MTAP: variants seen among roughly 807,000 people sequenced by gnomAD.
The protein encoded by MTAP is S-methyl-5'-thioadenosine phosphorylase.
MTAP carries 33 observed loss-of-function variants against 33.6 expected under a neutral mutation model. The observed-to-expected ratio is 0.98, with a 90% CI of 0.74 to 1.31. The LOEUF is 1.31. Ranked by LOEUF, MTAP falls within the 40% of genes most tolerant of loss-of-function variation. The probability of loss-of-function intolerance (pLI) is 0.00; values close to 1 mark genes in which losing one functional copy is unlikely to be tolerated. For missense variants in MTAP, 367 were observed against 360.0 expected, an observed-to-expected ratio of 1.02 and a Z score of -0.16; for synonymous variants, 148 against 125.7, an observed-to-expected ratio of 1.18 and a Z score of -1.19.
chr9:21,830,008 G>A (rs985345376), intron 4 of MTAP, among the ~76,000 whole-genome samples: 36 of 152,208 alleles, frequency 2.4e-4, no homozygotes, highest in African/African-American at 7.5e-4. Flanking sequence ...AGCCCTGGGT[G>A]TGACTGCCCT....
intron 1 of MTAP, among the ~76,000 whole-genome samples, chr9:21,897,835 C>G (rs1173216028): frequency 6.7e-6 from 1 of 149,516 alleles, no homozygotes; most frequent in African/African-American, 2.6e-5. Flanking sequence ...CAATGCCATC[C>G]CCATCAAGCT....
intron 1 of MTAP, among the ~76,000 whole-genome samples, chr9:21,927,062 A>G (rs1008420609): frequency 2.0e-5 from 3 of 152,222 alleles, no homozygotes; most frequent in Non-Finnish European, 2.9e-5. Flanking sequence ...TCTGGGAAAA[A>G]GATCAGAAGC....
chr9:21,852,230 C>T (rs1411444841), intron 5 of MTAP, among the ~76,000 whole-genome samples: 1 of 152,044 alleles, frequency 6.6e-6, no homozygotes, highest in Non-Finnish European at 1.5e-5. Context: ...ATAATAGGGC[C>T]GGGCGCAGTG....
downstream of MTAP, among the ~76,000 whole-genome samples, chr9:21,872,042 G>T (rs73440410): frequency 8.1e-3 from 1,237 of 152,228 alleles, 22 homozygotes; most frequent in African/African-American, 0.027. Context: ...TCTGCCAGGC[G>T]TGGTGGCTCA....
chr9:21,916,122 G>A (rs7849930), intron 1 of MTAP, among the ~76,000 whole-genome samples: 1,659 of 122,778 alleles, frequency 0.014, 37 homozygotes, highest in African/African-American at 0.043. Flanking sequence ...GAAGGAAGGA[G>A]GGAGGGAAGG....
chr9:21,919,290 C>CCAATGTTG (rs1818745603), intron 1 of MTAP, among the ~76,000 whole-genome samples: 1 of 152,142 alleles, frequency 6.6e-6, no homozygotes, highest in African/African-American at 2.4e-5. Context: ...TAACTGATAG[C>CCAATGTTG]CAATGTTGTT....
chr9:21,912,160 A>T (rs1818589825), intron 1 of MTAP, among the ~76,000 whole-genome samples: 1 of 152,198 alleles, frequency 6.6e-6, no homozygotes, highest in Admixed American at 6.5e-5. Context: ...ACCAAAAAAC[A>T]GTCCAGGACC....
chr9:21,823,074 C>T (rs1382118161), intron 4 of MTAP, among the ~76,000 whole-genome samples: 1 of 152,142 alleles, frequency 6.6e-6, no homozygotes, highest in Admixed American at 6.5e-5. Context: ...GGTCTTGACT[C>T]TTTATCCAAT....
downstream of MTAP, among the ~76,000 whole-genome samples, chr9:21,937,997 G>C (rs186641574): frequency 6.6e-6 from 1 of 152,276 alleles, no homozygotes; most frequent in East Asian, 1.9e-4. Context: ...TGGCAGCCCA[G>C]CGTGGTGGCT....
At chr9:21,917,020 T>C (rs749668555) in intron 1 of MTAP, among the ~76,000 whole-genome samples, 1 of 152,202 alleles carries the variant, frequency 6.6e-6, no homozygotes, top group Non-Finnish European at 1.5e-5. Flanking sequence ...AAAGTAGAGC[T>C]ATAAGATTTA....
intron 1 of MTAP, among the ~76,000 whole-genome samples, chr9:21,909,577 A>G (rs1818534636): frequency 6.6e-6 from 1 of 152,146 alleles, no homozygotes; most frequent in African/African-American, 2.4e-5. Flanking sequence ...TTGTGGTGTT[A>G]TGAATTTGTT....
chr9:21,871,482 C>G (rs1825936372), downstream of MTAP, among the ~76,000 whole-genome samples: 1 of 152,320 alleles, frequency 6.6e-6, no homozygotes. Flanking sequence ...ACTAGTCACA[C>G]TGTATTATAA....
At chr9:21,895,186 C>A (rs62556520) in intron 1 of MTAP, among the ~76,000 whole-genome samples, 29,125 of 152,142 alleles carry the variant, frequency 0.19, 3,322 homozygotes, top group Admixed American at 0.34. Context: ...TTCTAAAATT[C>A]ATACAGAACA....
intron 4 of MTAP, among the ~76,000 whole-genome samples, chr9:21,821,138 C>A (rs990008475): frequency 6.6e-6 from 1 of 152,340 alleles, no homozygotes; most frequent in South Asian, 2.1e-4. Flanking sequence ...CCTGATTGCC[C>A]TGGCCAGAAC....
chr9:21,937,643 T>C (rs1819062861), exon 8 of MTAP: 1 of 152,246 alleles, frequency 6.6e-6, no homozygotes, highest in African/African-American at 2.4e-5. Flanking sequence ...CTTTCTCTAT[T>C]TGCCTTTGAA....
intron 1 of MTAP, among the ~76,000 whole-genome samples, chr9:21,906,211 A>C (rs964118997): frequency 3.3e-5 from 5 of 152,238 alleles, no homozygotes; most frequent in African/African-American, 1.2e-4. Context: ...GAAGAGATAG[A>C]ATTATCAGCT....
chr9:21,837,775 T>C (rs1165348189), intron 4 of MTAP, 133 bp from the exon 5 acceptor site: 18 of 703,394 alleles, frequency 2.6e-5, no homozygotes, highest in Middle Eastern at 4.0e-4. Context: ...TGTCTTTAGC[T>C]TATCCAGAGG....
chr9:21,913,378 A>G (rs1052210371), intron 1 of MTAP, among the ~76,000 whole-genome samples: 2 of 152,230 alleles, frequency 1.3e-5, no homozygotes, highest in Non-Finnish European at 2.9e-5. Flanking sequence ...ACTTCAAACT[A>G]TATTACAAGG....
At position 21,806,593 on chromosome 9, in the gene MTAP, A is replaced by G. The variant is rs1345130723; in HGVS notation, c.33+3812A>G. On this transcript the variant is annotated intron_variant, in intron 1 of 7. Coordinates refer to ENST00000644715, the MANE Select transcript of MTAP (RefSeq NM_002451.4). Reference sequence around the variant, plus strand: ...ATTCAAGCAATCTTTTTTGTGGTTCACTGCAGTGAGAGATGGTCCAGGCAG... The same window carrying G: ...ATTCAAGCAATCTTTTTTGTGGTTCGCTGCAGTGAGAGATGGTCCAGGCAG... Among the ~76,000 whole-genome samples, 4 of 151,980 alleles carry G rather than the reference A, an allele frequency of 2.6e-5. No homozygotes were observed. In the East Asian group the frequency reaches 7.7e-4, roughly 29 times the overall value.
Sources: allele counts gnomAD v4.1 joint callset (sites outside exome capture counted in the v4.1 genomes callset), GRCh38; gene constraint gnomAD v4.1.1; transcripts MANE v1.5; gene names NCBI Gene and HGNC (gene_info 2026-07-23, HGNC 2026-07-21).